Variants in PTPRD observed in about 807,000 individuals in gnomAD.
PTPRD encodes protein tyrosine phosphatase receptor type D.
In PTPRD, 34 loss-of-function variants were observed where a neutral mutation model predicts 214.5. The ratio of observed to expected loss-of-function variants is 0.16; its 90% CI spans 0.12 to 0.21. PTPRD has a LOEUF of 0.21. PTPRD is among the 10% of genes least tolerant of loss of function. The pLI, the probability that PTPRD is intolerant of heterozygous loss-of-function variation, is 1.00. For synonymous variants in PTPRD, 1,128 were observed against 845.7 expected (o/e 1.33, Z -5.79); for missense variants, 2,545 against 2,398.7 (o/e 1.06, Z -1.27).
chr9:9,732,828 C>T (rs943665485), intron 7 of PTPRD, among the ~76,000 whole-genome samples: 3 of 151,928 alleles, frequency 2.0e-5, no homozygotes, highest in Admixed American at 6.6e-5. Flanking sequence ...GTGGCTCTGT[C>T]GTCTCAGCGA....
intron 11 of PTPRD, among the ~76,000 whole-genome samples, chr9:8,826,193 C>T (rs2097171399): frequency 6.9e-6 from 1 of 145,962 alleles, no homozygotes; most frequent in Non-Finnish European, 1.5e-5. Context: ...GTAGTCATTG[C>T]CACCACCATC....
At chr9:8,889,295 G>A (rs1347887038) in intron 11 of PTPRD, among the ~76,000 whole-genome samples, 2 of 152,046 alleles carry the variant, frequency 1.3e-5, no homozygotes, top group Non-Finnish European at 2.9e-5. Flanking sequence ...GAAAGAGAGA[G>A]AAATTGCGTA....
At chr9:9,719,087 G>A (rs2097887983) in intron 7 of PTPRD, among the ~76,000 whole-genome samples, 1 of 152,080 alleles carries the variant, frequency 6.6e-6, no homozygotes, top group Non-Finnish European at 1.5e-5. Context: ...CTTTTTCCAG[G>A]CCTGTCCATG....
At chr9:8,834,937 G>A (rs903408740) in intron 11 of PTPRD, among the ~76,000 whole-genome samples, 2 of 152,192 alleles carry the variant, frequency 1.3e-5, no homozygotes, top group African/African-American at 2.4e-5. Context: ...GTTATTCAGA[G>A]CAAATAATAA....
At chr9:8,357,083 C>G (rs533422984) in intron 39 of PTPRD, among the ~76,000 whole-genome samples, 1 of 152,118 alleles carries the variant, frequency 6.6e-6, no homozygotes. Flanking sequence ...ATAAGCTATA[C>G]GCTACAAAGA....
At chr9:9,687,639 A>G (rs184957357) in intron 7 of PTPRD, among the ~76,000 whole-genome samples, 9 of 151,940 alleles carry the variant, frequency 5.9e-5, no homozygotes, top group South Asian at 2.1e-4. Flanking sequence ...AAAAAAAGAA[A>G]AAAAAAAGAT....
chr9:9,703,381 T>C (rs1439325703), intron 7 of PTPRD, among the ~76,000 whole-genome samples: 2 of 152,164 alleles, frequency 1.3e-5, no homozygotes, highest in Admixed American at 1.3e-4. Flanking sequence ...ACTTTTATGA[T>C]ACTCTAAATT....
At chr9:8,514,337 TCAGA>T (rs2097743945) in intron 21 of PTPRD, among the ~76,000 whole-genome samples, 1 of 152,156 alleles carries the variant, frequency 6.6e-6, no homozygotes, top group South Asian at 2.1e-4. Flanking sequence ...ATTTTGTTTC[TCAGA>T]TAATCTTCCT....
chr9:8,498,886 C>T (rs762321691), intron 25 of PTPRD, among the ~76,000 whole-genome samples: 6 of 152,122 alleles, frequency 3.9e-5, no homozygotes, highest in Non-Finnish European at 5.9e-5. Flanking sequence ...TGAATCACCT[C>T]TAATTTATGA....
intron 8 of PTPRD, among the ~76,000 whole-genome samples, chr9:9,569,464 T>C (rs574239141): frequency 6.6e-6 from 1 of 151,892 alleles, no homozygotes; most frequent in South Asian, 2.1e-4. Context: ...TGCTCAGCTT[T>C]ACAATAAAAT....
At chr9:8,837,091 T>C (rs917961848) in intron 11 of PTPRD, among the ~76,000 whole-genome samples, 4 of 148,248 alleles carry the variant, frequency 2.7e-5, no homozygotes, top group African/African-American at 1.0e-4. Flanking sequence ...AGTGGTACGA[T>C]CTCCGCTCAC....
At chr9:8,326,110 A>T (rs981087858) in intron 44 of PTPRD, among the ~76,000 whole-genome samples, 2 of 152,200 alleles carry the variant, frequency 1.3e-5, no homozygotes, top group Admixed American at 1.3e-4. Context: ...TACTGTGTTG[A>T]ATAGGAGCAG....
intron 8 of PTPRD, among the ~76,000 whole-genome samples, chr9:9,490,650 T>C (rs1339376290): frequency 6.6e-6 from 1 of 151,980 alleles, no homozygotes; most frequent in Non-Finnish European, 1.5e-5. Flanking sequence ...TAAGCTGGTA[T>C]TAAGTTAAAT....
At chr9:10,364,723 G>C (rs533909273) in intron 2 of PTPRD, among the ~76,000 whole-genome samples, 2 of 152,056 alleles carry the variant, frequency 1.3e-5, no homozygotes, top group Admixed American at 1.3e-4. Flanking sequence ...AGTGGGGCAT[G>C]GTCTTTCTTC....
At chr9:9,164,219 C>G (rs1257337653) in intron 10 of PTPRD, among the ~76,000 whole-genome samples, 3 of 152,096 alleles carry the variant, frequency 2.0e-5, no homozygotes, top group Non-Finnish European at 4.4e-5. Context: ...TAATCAATTT[C>G]TTTATCTTTT....
At chr9:9,025,884 C>A (rs913426546) in intron 10 of PTPRD, among the ~76,000 whole-genome samples, 2 of 151,834 alleles carry the variant, frequency 1.3e-5, no homozygotes, top group Non-Finnish European at 2.9e-5. Flanking sequence ...TTTATTTATT[C>A]AACACACATA....
At chr9:10,377,241 T>C (rs2097749084) in intron 2 of PTPRD, among the ~76,000 whole-genome samples, 1 of 152,088 alleles carries the variant, frequency 6.6e-6, no homozygotes, top group African/African-American at 2.4e-5. Context: ...GATCTCATTC[T>C]TTTTATGGAT....
At chr9:9,985,195 C>G (rs777242376) in intron 4 of PTPRD, among the ~76,000 whole-genome samples, 1 of 152,198 alleles carries the variant, frequency 6.6e-6, no homozygotes, top group Admixed American at 6.5e-5. Flanking sequence ...TGAACCCCAG[C>G]CTTGAGAAGG....
chr9:10,473,143 G>C (rs528602174), intron 2 of PTPRD, among the ~76,000 whole-genome samples: 22 of 151,322 alleles, frequency 1.5e-4, no homozygotes, highest in African/African-American at 3.9e-4. Context: ...TGGTGTTCTT[G>C]TGATCCGACA....
Sources: gnomAD v4.1 joint callset for allele counts (sites outside exome capture counted in the v4.1 genomes callset) on GRCh38, gnomAD v4.1.1 for gene constraint, MANE v1.5 for transcripts, NCBI Gene and HGNC (gene_info 2026-07-23, HGNC 2026-07-21) for gene names.